Variants in PRELID2 observed in about 807,000 individuals in gnomAD.
The protein encoded by PRELID2 is PRELI domain containing 2.
A neutral mutation model predicts 28.4 loss-of-function variants in PRELID2; 25 were observed. The ratio of observed to expected loss-of-function variants is 0.88; its 90% CI spans 0.64 to 1.23. The LOEUF is 1.23. Among genes scored for constraint, PRELID2 ranks in the 50% most tolerant of loss-of-function variants. The pLI is 0.00. For missense variants in PRELID2, 201 were observed against 214.4 expected (o/e 0.94, Z 0.39); for synonymous variants, 76 against 71.6 (o/e 1.06, Z -0.31).
the PRELID2 span, among the ~76,000 whole-genome samples, chr5:145,343,454 A>G: frequency 6.6e-6 from 1 of 151,878 alleles, no homozygotes; most frequent in African/African-American, 2.4e-5. Context: ...ATTAAAACAA[A>G]AAGTTTATTA....
At chr5:145,686,667 G>A (rs1023064043) in intron 1 of PRELID2, among the ~76,000 whole-genome samples, 9 of 152,234 alleles carry the variant, frequency 5.9e-5, no homozygotes, top group East Asian at 1.9e-4. Context: ...TTCATGAAAC[G>A]GGAAGCAGAC....
At chr5:145,814,346 A>G (rs922846729) in intron 4 of PRELID2, among the ~76,000 whole-genome samples, 4 of 152,198 alleles carry the variant, frequency 2.6e-5, no homozygotes, top group African/African-American at 9.6e-5. Context: ...TGCTATTTCT[A>G]CATACAAAGA....
At chr5:145,727,992 G>T (rs1490068642) in intron 1 of PRELID2, among the ~76,000 whole-genome samples, 1 of 152,104 alleles carries the variant, frequency 6.6e-6, no homozygotes. Flanking sequence ...CCTCCCCTCT[G>T]TTCATTTTAT....
At chr5:145,269,514 AG>A in the PRELID2 span, among the ~76,000 whole-genome samples, 2 of 152,016 alleles carry the variant, frequency 1.3e-5, no homozygotes, top group Non-Finnish European at 2.9e-5. Flanking sequence ...AAAATACAAA[AG>A]CTAAAACTAT....
chr5:145,741,255 A>G (rs1158618622), intron 1 of PRELID2, among the ~76,000 whole-genome samples: 5 of 113,674 alleles, frequency 4.4e-5, no homozygotes, highest in South Asian at 5.5e-4. Flanking sequence ...TATAATATAT[A>G]AATAATATAT....
chr5:145,370,381 T>A, the PRELID2 span, among the ~76,000 whole-genome samples: 10 of 152,214 alleles, frequency 6.6e-5, no homozygotes, highest in South Asian at 6.2e-4. Flanking sequence ...GAATAGGAGA[T>A]CCTTTCCCCA....
chr5:145,245,663 G>T, the PRELID2 span, among the ~76,000 whole-genome samples: 1 of 152,062 alleles, frequency 6.6e-6, no homozygotes, highest in African/African-American at 2.4e-5. Flanking sequence ...CAGAAGGCAG[G>T]AAAAATCCTT....
At chr5:145,711,020 A>G (rs142877281) in intron 1 of PRELID2, among the ~76,000 whole-genome samples, 111 of 152,314 alleles carry the variant, frequency 7.3e-4, no homozygotes, top group African/African-American at 2.5e-3. Flanking sequence ...TATACTCTGC[A>G]ATTTCACTTA....
At position 145,819,940 on chromosome 5, in the gene PRELID2, C is replaced by A; in HGVS notation, c.207+5G>T. 1 of 1,555,742 alleles carries A rather than the reference C, an allele frequency of 6.4e-7. No homozygotes were observed. The highest frequency in any genetic ancestry group is 2.2e-5 in the East Asian group (1 of 44,492). On this transcript the variant is annotated splice_donor_5th_base_variant and intron_variant, in intron 3 of 6. Coordinates refer to ENST00000683046, the MANE Select transcript of PRELID2 (RefSeq NM_205846.3). The stretch of plus-strand genomic sequence containing the variant: ...AACTGTGATTACATTTTAAAATGAA[C>A]TTACCTTCCTTAAAATTTCTGGAAC...
At chr5:145,455,303 A>C in the PRELID2 span, among the ~76,000 whole-genome samples, 1 of 151,854 alleles carries the variant, frequency 6.6e-6, no homozygotes, top group Non-Finnish European at 1.5e-5. Context: ...GTTCTGTTCC[A>C]TTGCTCTATA....
At chr5:145,296,237 A>T in the PRELID2 span, among the ~76,000 whole-genome samples, 5 of 151,698 alleles carry the variant, frequency 3.3e-5, no homozygotes, top group African/African-American at 4.8e-5. Flanking sequence ...CATGTGCACA[A>T]TGTGCAGGTT....
intron 1 of PRELID2, among the ~76,000 whole-genome samples, chr5:145,522,394 GAGAC>G (rs933188582): frequency 1.3e-5 from 2 of 150,638 alleles, no homozygotes; most frequent in African/African-American, 2.5e-5. Context: ...TATAGATACA[GAGAC>G]ACACACACAC....
chr5:145,806,908 A>T (rs1753554046), intron 4 of PRELID2, among the ~76,000 whole-genome samples: 1 of 152,164 alleles, frequency 6.6e-6, no homozygotes, highest in South Asian at 2.1e-4. Flanking sequence ...GCCATGTGGA[A>T]CTGTGAGTCA....
rs531168795 is a variant in PRELID2 at position 145,732,501 on chromosome 5, G to A, written n.70+32430C>T. Among the ~76,000 whole-genome samples the A allele has an allele frequency of 2.0e-5, 3 of 152,296 alleles. No homozygotes were observed. The East Asian group carries it at 5.8e-4, about 29-fold the overall frequency. On this transcript the variant is annotated intron_variant and non_coding_transcript_variant, in intron 1 of 2. Coordinates refer to the PRELID2 transcript ENST00000510259. ...GCCACTAGACACGTACAACTACTGA[G>A]CACTTGAAATGTGACTAGTGAGACC...
chr5:145,268,137 A>G, the PRELID2 span, among the ~76,000 whole-genome samples: 5 of 152,042 alleles, frequency 3.3e-5, no homozygotes, highest in African/African-American at 1.2e-4. Flanking sequence ...GAAGCCTTTT[A>G]ACTCGATGTG....
At chr5:145,333,609 A>G in the PRELID2 span, among the ~76,000 whole-genome samples, 1 of 152,088 alleles carries the variant, frequency 6.6e-6, no homozygotes, top group Non-Finnish European at 1.5e-5. Flanking sequence ...GTAATGGTGG[A>G]CAAACCTTTC....
intron 1 of PRELID2, among the ~76,000 whole-genome samples, chr5:145,477,672 T>C (rs1034795918): frequency 2.6e-5 from 4 of 152,288 alleles, no homozygotes; most frequent in Non-Finnish European, 4.4e-5. Flanking sequence ...AAATCTACTA[T>C]ATAAAATTCT....
chr5:145,455,488 A>T, the PRELID2 span, among the ~76,000 whole-genome samples: 3 of 152,138 alleles, frequency 2.0e-5, no homozygotes, highest in South Asian at 6.2e-4. Flanking sequence ...AAGAAAGTCA[A>T]TGGTAGCTTG....
intron 1 of PRELID2, among the ~76,000 whole-genome samples, chr5:145,743,641 C>A (rs1756903384): frequency 6.6e-6 from 1 of 152,054 alleles, no homozygotes; most frequent in Admixed American, 6.5e-5. Context: ...AGCGTGCTAC[C>A]CAGCGTGGAA....
Sources: gnomAD v4.1 joint callset for allele counts (sites outside exome capture counted in the v4.1 genomes callset) on GRCh38, gnomAD v4.1.1 for gene constraint, MANE v1.5 for transcripts, NCBI Gene and HGNC (gene_info 2026-07-23, HGNC 2026-07-21) for gene names.